TMOD1: variants seen among roughly 807,000 people sequenced by gnomAD.
The protein encoded by TMOD1 is tropomodulin-1.
A neutral mutation model predicts 40.6 loss-of-function variants in TMOD1; 17 were observed. That is an observed-to-expected ratio of 0.42 (90% CI 0.29 to 0.63). The LOEUF (loss-of-function observed/expected upper bound fraction) is 0.63, where lower values mean the gene tolerates loss of function less well. TMOD1 is among the 20% of genes least tolerant of loss of function. TMOD1 has a pLI of 0.22. For missense variants in TMOD1, 391 were observed against 447.6 expected, an observed-to-expected ratio of 0.87 and a Z score of 1.14; for synonymous variants, 181 against 175.0, an observed-to-expected ratio of 1.03 and a Z score of -0.27.
At chr9:97,588,428 A>G (rs1825926636) in intron 8 of TMOD1, among the ~76,000 whole-genome samples, 1 of 152,152 alleles carries the variant, frequency 6.6e-6, no homozygotes, top group East Asian at 1.9e-4. Flanking sequence ...TCATTTATAA[A>G]TTGTGTTTTT....
At chr9:97,569,126 A>C (rs900876907) in intron 8 of TMOD1, 89 bp downstream of exon 8, 36 of 1,529,848 alleles carry the variant, frequency 2.4e-5, no homozygotes, top group Non-Finnish European at 1.4e-5. Flanking sequence ...GGAGCTGAGA[A>C]TGCTGATGAT....
intron 7 of TMOD1, among the ~76,000 whole-genome samples, chr9:97,568,607 G>A (rs564936859): frequency 1.3e-5 from 2 of 152,294 alleles, no homozygotes; most frequent in African/African-American, 4.8e-5. Context: ...GGGGAGCTGC[G>A]AGTAGCCCCA....
chr9:97,574,631 G>A (rs1315658398), intron 8 of TMOD1, among the ~76,000 whole-genome samples: 2 of 152,270 alleles, frequency 1.3e-5, no homozygotes, highest in African/African-American at 2.4e-5. Flanking sequence ...GAAGCCAGCT[G>A]GGCTCCTGAG....
At chr9:97,534,244 A>AGT (rs1830145856) in intron 2 of TMOD1, among the ~76,000 whole-genome samples, 1 of 152,200 alleles carries the variant, frequency 6.6e-6, no homozygotes, top group Admixed American at 6.5e-5. Context: ...TTGCTAAAGA[A>AGT]GGGGAAGCTT....
chr9:97,558,674 C>A (rs1015519087), intron 4 of TMOD1, among the ~76,000 whole-genome samples: 1 of 152,114 alleles, frequency 6.6e-6, no homozygotes, highest in Non-Finnish European at 1.5e-5. Context: ...GAACTCCTGG[C>A]CTCAAGAGAT....
chr9:97,522,079 C>T (rs1238725877), intron 1 of TMOD1, among the ~76,000 whole-genome samples: 3 of 152,148 alleles, frequency 2.0e-5, no homozygotes, highest in African/African-American at 4.8e-5. Flanking sequence ...TAAATACGTA[C>T]GTTGCTGTGA....
intron 8 of TMOD1, among the ~76,000 whole-genome samples, chr9:97,571,400 T>C (rs1245045312): frequency 6.6e-6 from 1 of 152,220 alleles, no homozygotes; most frequent in Non-Finnish European, 1.5e-5. Context: ...GTTTCCTGGC[T>C]TGTAAAATGA....
chr9:97,567,369 G>A (rs1830743909), intron 7 of TMOD1, among the ~76,000 whole-genome samples: 1 of 152,240 alleles, frequency 6.6e-6, no homozygotes, highest in African/African-American at 2.4e-5. Context: ...GTATGCCCGT[G>A]TCAAACACTG....
At chr9:97,548,455 G>T (rs570117776) in intron 3 of TMOD1, among the ~76,000 whole-genome samples, 1 of 152,190 alleles carries the variant, frequency 6.6e-6, no homozygotes, top group African/African-American at 2.4e-5. Context: ...TCCTGGAGGG[G>T]GTGGCAGGAG....
At chr9:97,501,227 C>G (rs1351158547), upstream of TMOD1, 1 of 152,194 alleles carries the variant, frequency 6.6e-6, no homozygotes, top group Non-Finnish European at 1.5e-5. Context: ...CCCACCTGGC[C>G]GCGCTGCTGG....
At position 97,601,604 on chromosome 9, in the gene TMOD1, T is replaced by G; in HGVS notation, c.*1906T>G. On this transcript the variant is annotated 3_prime_UTR_variant, in exon 10 of 10. Coordinates refer to ENST00000259365, the MANE Select transcript of TMOD1 (RefSeq NM_003275.4). Reference sequence around the variant, plus strand: ...TGGTCTAGATCAGGGGCTGGCAAACTTTTCTGTAAAAGGCCAGACAGTAAA... The same window carrying G: ...TGGTCTAGATCAGGGGCTGGCAAACGTTTCTGTAAAAGGCCAGACAGTAAA... 1 of 987,352 alleles carries G rather than the reference T, an allele frequency of 1.0e-6. No homozygotes were observed. The highest frequency in any genetic ancestry group is 1.2e-6 in the Non-Finnish European group (1 of 831,314). 61.2% of individuals were successfully genotyped at this position (987,352 alleles called of 1,614,324 possible). A position where few individuals can be genotyped will look rare whatever the true frequency, so the allele number is the denominator to read the frequency against.
intron 8 of TMOD1, among the ~76,000 whole-genome samples, chr9:97,587,536 T>G (rs1180418769): frequency 2.6e-5 from 4 of 151,460 alleles, no homozygotes; most frequent in Admixed American, 6.6e-5. Context: ...TGAATGTCTC[T>G]TCATATCCTT....
In TMOD1 at chr9:97,601,160, A is replaced by G. The variant is rs913405587; in HGVS notation, c.*1462A>G. The G allele has an allele frequency of 3.1e-6, 4 of 1,302,124 alleles. No homozygotes were observed. In the African/African-American group the frequency reaches 6.1e-5, roughly 20 times the overall value. The allele number at this position is 1,302,124 out of a possible 1,614,324, so 80.7% of individuals were successfully genotyped here. Reference sequence around the variant, plus strand: ...GGAGTGGCACCATGTTGCAGGGACAACCATCCCCATTTGGCTTCTCCTTAA... The same window carrying G: ...GGAGTGGCACCATGTTGCAGGGACAGCCATCCCCATTTGGCTTCTCCTTAA... On this transcript the variant is annotated 3_prime_UTR_variant, in exon 10 of 10. Coordinates refer to ENST00000259365, the MANE Select transcript of TMOD1 (RefSeq NM_003275.4).
At chr9:97,510,069 G>T (rs1829670472) in intron 1 of TMOD1, among the ~76,000 whole-genome samples, 2 of 151,828 alleles carry the variant, frequency 1.3e-5, no homozygotes, top group Non-Finnish European at 2.9e-5. Context: ...TTGCTTTTTG[G>T]TATTGTTCGT....
chr9:97,536,107 C>T (rs1224789790), intron 2 of TMOD1, among the ~76,000 whole-genome samples: 2 of 152,208 alleles, frequency 1.3e-5, no homozygotes, highest in African/African-American at 4.8e-5. Flanking sequence ...TCCACTGCAT[C>T]ATTTCCAGTG....
chr9:97,528,048 AC>A (rs754908583), intron 2 of TMOD1, among the ~76,000 whole-genome samples: 1 of 151,862 alleles, frequency 6.6e-6, no homozygotes, highest in Non-Finnish European at 1.5e-5. Flanking sequence ...ATTCTGTTTC[AC>A]CCCCAAACTG....
chr9:97,524,434 C>G (rs958446778), intron 2 of TMOD1, 126 bp downstream of exon 2: 38 of 1,226,248 alleles, frequency 3.1e-5, no homozygotes, highest in Admixed American at 5.6e-5. Flanking sequence ...ATAACTTTGC[C>G]TTTGCAGATT....
intron 9 of TMOD1, among the ~76,000 whole-genome samples, chr9:97,592,567 A>G (rs1471256048): frequency 3.9e-5 from 6 of 152,234 alleles, no homozygotes; most frequent in Non-Finnish European, 8.8e-5. Context: ...GATAAAATGC[A>G]AAGAGCCTAA....
intron 8 of TMOD1, among the ~76,000 whole-genome samples, chr9:97,582,139 C>A (rs542108823): frequency 0.076 from 11,504 of 151,924 alleles, 472 homozygotes; most frequent in Non-Finnish European, 0.09. Context: ...TTAGGTCTAA[C>A]GTTTAAGTCT....
Sources: allele counts gnomAD v4.1 joint callset (sites outside exome capture counted in the v4.1 genomes callset), GRCh38; gene constraint gnomAD v4.1.1; transcripts MANE v1.5; gene names NCBI Gene and HGNC (gene_info 2026-07-23, HGNC 2026-07-21).